The following CDC42 variants were observed in gnomAD, a reference collection of about 807,000 sequenced individuals.
The protein encoded by CDC42 is cell division control protein 42 homolog.
In CDC42, 1 loss-of-function variant was observed where a neutral mutation model predicts 20.8. The observed-to-expected ratio is 0.05, with a 90% CI of 0.02 to 0.23. The LOEUF (loss-of-function observed/expected upper bound fraction) is 0.23, where lower values mean the gene tolerates loss of function less well. Ranked by LOEUF, CDC42 falls within the 10% of genes least tolerant of loss-of-function variation. The pLI is 1.00. For missense variants in CDC42, 49 were observed against 227.9 expected (o/e 0.21, Z 5.05); for synonymous variants, 72 against 84.8 (o/e 0.85, Z 0.83).
intron 1 of CDC42, among the ~76,000 whole-genome samples, chr1:22,064,605 A>G (rs1228609898): frequency 1.3e-5 from 2 of 151,278 alleles, no homozygotes; most frequent in Admixed American, 6.6e-5. Context: ...GAGTGCTCTT[A>G]TTTTGTTTTC....
intron 1 of CDC42, among the ~76,000 whole-genome samples, chr1:22,074,416 A>G (rs1645525965): frequency 6.6e-6 from 1 of 152,122 alleles, no homozygotes; most frequent in Non-Finnish European, 1.5e-5. Context: ...AATTGTTTCT[A>G]TGTGGCCTCT....
At chr1:22,062,017 C>T (rs1383777670) in intron 1 of CDC42, among the ~76,000 whole-genome samples, 2 of 152,158 alleles carry the variant, frequency 1.3e-5, no homozygotes, top group African/African-American at 2.4e-5. Context: ...TGGCTCACTG[C>T]AACCTCTGCC....
At chr1:22,071,169 G>A (rs113239003) in intron 1 of CDC42, among the ~76,000 whole-genome samples, 3 of 146,864 alleles carry the variant, frequency 2.0e-5, no homozygotes, top group African/African-American at 7.6e-5. Context: ...TCAGCCTCCC[G>A]AGTAGCTGGG....
chr1:22,089,016 G>A (rs1645690162), intron 5 of CDC42, among the ~76,000 whole-genome samples: 1 of 152,160 alleles, frequency 6.6e-6, no homozygotes, highest in African/African-American at 2.4e-5. Context: ...AACACTTGGG[G>A]TGGTCTGGGG....
At chr1:22,071,364 A>T (rs1645490350) in intron 1 of CDC42, among the ~76,000 whole-genome samples, 1 of 152,052 alleles carries the variant, frequency 6.6e-6, no homozygotes, top group Admixed American at 6.6e-5. Context: ...TTTCTAACAA[A>T]CATATAAGGC....
At chr1:22,076,013 C>T (rs772893649) in intron 1 of CDC42, among the ~76,000 whole-genome samples, 1 of 152,178 alleles carries the variant, frequency 6.6e-6, no homozygotes, top group Admixed American at 6.5e-5. Flanking sequence ...AGCTTAGCCC[C>T]TATTTTTTGC....
chr1:22,061,331 C>G (rs947925051), intron 1 of CDC42, among the ~76,000 whole-genome samples: 9 of 151,294 alleles, frequency 5.9e-5, no homozygotes, highest in African/African-American at 1.7e-4. Context: ...TCGCTTGAAC[C>G]CGGGAGGTGG....
intron 1 of CDC42, chr1:22,059,730 GA>G (rs1254315145): frequency 6.6e-6 from 1 of 151,956 alleles, no homozygotes; most frequent in Non-Finnish European, 1.5e-5. Flanking sequence ...TTTTAGTAGA[GA>G]CGGGGTTTCA....
At chr1:22,067,592 G>T (rs201335852) in intron 1 of CDC42, among the ~76,000 whole-genome samples, 1 of 152,204 alleles carries the variant, frequency 6.6e-6, no homozygotes, top group Non-Finnish European at 1.5e-5. Flanking sequence ...TGATCCGCCT[G>T]CCTCGGCCTC....
chr1:22,059,216 C>T (rs1164474327), intron 1 of CDC42: 1 of 151,944 alleles, frequency 6.6e-6, no homozygotes, highest in East Asian at 1.9e-4. Flanking sequence ...ACCTCCGCCT[C>T]CCAGGTTCAA....
chr1:22,077,275 A>G (rs893902328), intron 1 of CDC42, among the ~76,000 whole-genome samples: 21 of 152,208 alleles, frequency 1.4e-4, no homozygotes, highest in Admixed American at 5.9e-4. Context: ...TTTGCATCCA[A>G]TCAACAACTC....
rs1645705859 is a variant in CDC42, at chr1:22,090,587, G to A, written c.487-841G>A. The A allele has an allele frequency of 6.1e-6, 6 of 985,678 alleles. No individual in the cohort carries two copies. The South Asian group carries it at 2.8e-4, about 46-fold the overall frequency. The allele number at this position is 985,678 out of a possible 1,614,324, so 61.1% of individuals were successfully genotyped here. On this transcript the variant is annotated intron_variant, in intron 5 of 5. Transcript: ENST00000656825. The stretch of plus-strand genomic sequence containing the variant: ...AGTGGAGTATTTGTCAGTCTGGGGT[G>A]GGGAAGATATTGATGTATCTGCTAC...
chr1:22,077,138 G>A (rs1427972230), intron 1 of CDC42, among the ~76,000 whole-genome samples: 5 of 151,994 alleles, frequency 3.3e-5, no homozygotes, highest in Admixed American at 2.0e-4. Flanking sequence ...CCTGGGTGAC[G>A]GGAGTAAAAC....
Position 22,096,684 on chromosome 1 carries a change from GT to G in CDC42, c.*5169del, listed in dbSNP as rs1033589159. ...GCCTGTGCCGCGGTGCAGGTGGTCAGTTGGAACCCCTGATGGGTATCTGGGC... is the reference window on the plus strand; with the variant it reads ...GCCTGTGCCGCGGTGCAGGTGGTCAGTGGAACCCCTGATGGGTATCTGGGC... On this transcript the variant is annotated 3_prime_UTR_variant, in exon 6 of 6. Coordinates refer to ENST00000656825, the MANE Select transcript of CDC42 (RefSeq NM_001791.4). 5.9e-5 allele frequency among the ~76,000 whole-genome samples: 9 copies of G among 152,254 alleles called. No homozygotes were observed. The highest frequency in any genetic ancestry group is 2.2e-4 in the African/African-American group (9 of 41,466).
In CDC42 at chr1:22,091,542, A is replaced by G. The variant is rs1462990838; in HGVS notation, c.*25A>G. On this transcript the variant is annotated 3_prime_UTR_variant, in exon 6 of 6. Coordinates refer to ENST00000656825, the MANE Select transcript of CDC42 (RefSeq NM_001791.4). ...AACATCTCTCCAGAGCCCTTTCTGCACAGCTGGTGTCGGCATCATACTAAA... is the reference window on the plus strand; with the variant it reads ...AACATCTCTCCAGAGCCCTTTCTGCGCAGCTGGTGTCGGCATCATACTAAA... 1.3e-6 allele frequency: 2 copies of G among 1,484,364 alleles called. No individual in the cohort carries two copies. The highest frequency in any genetic ancestry group is 2.8e-5 in the African/African-American group (2 of 71,684). 91.9% of individuals were successfully genotyped at this position (1,484,364 alleles called of 1,614,324 possible).
chr1:22,068,101 A>G (rs1044864128), intron 1 of CDC42, among the ~76,000 whole-genome samples: 1 of 152,180 alleles, frequency 6.6e-6, no homozygotes, highest in South Asian at 2.1e-4. Flanking sequence ...AAAAATCTTT[A>G]GGAAACCTGT....
At chr1:22,080,102 G>A (rs1645592969) in intron 2 of CDC42, among the ~76,000 whole-genome samples, 1 of 152,190 alleles carries the variant, frequency 6.6e-6, no homozygotes, top group Non-Finnish European at 1.5e-5. Flanking sequence ...GAAATTCAGA[G>A]CTGGATGGGA....
Position 22,094,790 on chromosome 1 carries a change from G to A in CDC42, c.*3273G>A, listed in dbSNP as rs1645745783. Among the ~76,000 whole-genome samples, 1 of 152,146 alleles carries A rather than the reference G, an allele frequency of 6.6e-6. No individual in the cohort carries two copies. ...CTGTTAACATTGGTGTACATTTAATGTAGTAGTACTTTTTCTCCTTTTGCC... is the reference window on the plus strand; with the variant it reads ...CTGTTAACATTGGTGTACATTTAATATAGTAGTACTTTTTCTCCTTTTGCC... On this transcript the variant is annotated 3_prime_UTR_variant, in exon 6 of 6. Coordinates refer to ENST00000656825, the MANE Select transcript of CDC42 (RefSeq NM_001791.4).
rs1645770620 is a variant in CDC42 at position 22,098,369 on chromosome 1, TC to T, written c.*6853del. ...AAAAAAATACTCCTGAGATTCTGAA[TC>T]TGTAAGTATGCAATGGGACCTGAGA... On this transcript the variant is annotated 3_prime_UTR_variant, in exon 6 of 6. Coordinates refer to ENST00000656825, the MANE Select transcript of CDC42 (RefSeq NM_001791.4). 6.6e-6 allele frequency among the ~76,000 whole-genome samples: 1 copy of T among 152,136 alleles called. No homozygotes were observed. Among genetic ancestry groups the T allele is most frequent in the East Asian group, 1.9e-4 (1 of 5,186 alleles).
Sources: allele counts gnomAD v4.1 joint callset (sites outside exome capture counted in the v4.1 genomes callset), GRCh38; gene constraint gnomAD v4.1.1; transcripts MANE v1.5; gene names NCBI Gene and HGNC (gene_info 2026-07-23, HGNC 2026-07-21).